The following AGFG1 variants were observed in gnomAD, a reference collection of about 807,000 sequenced individuals.
AGFG1 encodes arf-GAP domain and FG repeat-containing protein 1.
A neutral mutation model predicts 60.6 loss-of-function variants in AGFG1; 10 were observed. The observed-to-expected ratio is 0.16, with a 90% confidence interval of 0.10 to 0.28. AGFG1 has a LOEUF of 0.28. Among genes scored for constraint, AGFG1 ranks in the 10% least tolerant of loss-of-function variants. AGFG1 has a pLI of 1.00. For missense variants in AGFG1, 537 were observed against 676.5 expected, an observed-to-expected ratio of 0.79 and a Z score of 2.29; for synonymous variants, 247 against 242.9, an observed-to-expected ratio of 1.02 and a Z score of -0.16.
At chr2:227,480,703 A>G (rs1432927263) in intron 1 of AGFG1, among the ~76,000 whole-genome samples, 1 of 151,344 alleles carries the variant, frequency 6.6e-6, no homozygotes, top group African/African-American at 2.4e-5. Flanking sequence ...TTCTATCTTC[A>G]TTCTGGAAAT....
intron 2 of AGFG1, among the ~76,000 whole-genome samples, chr2:227,511,548 C>T (rs895560723): frequency 3.3e-5 from 5 of 152,054 alleles, no homozygotes; most frequent in Non-Finnish European, 7.4e-5. Context: ...CTGTATATGA[C>T]GTGAGAATTT....
chr2:227,544,199 G>T (rs932897602), intron 10 of AGFG1, among the ~76,000 whole-genome samples: 2 of 120,176 alleles, frequency 1.7e-5, no homozygotes, highest in African/African-American at 6.6e-5. Context: ...TTGTCACCCA[G>T]CCTGGAGTGC....
intron 10 of AGFG1, among the ~76,000 whole-genome samples, chr2:227,539,514 G>A (rs1158399409): frequency 6.6e-6 from 1 of 151,574 alleles, no homozygotes; most frequent in African/African-American, 2.4e-5. Context: ...TAGCACTTTG[G>A]GATGCCGAGG....
At chr2:227,510,297 C>T (rs1691458190) in intron 2 of AGFG1, among the ~76,000 whole-genome samples, 1 of 151,996 alleles carries the variant, frequency 6.6e-6, no homozygotes, top group African/African-American at 2.4e-5. Flanking sequence ...CCTGATTGTA[C>T]CAGGAATGGA....
At chr2:227,484,619 G>A (rs1690563948) in intron 1 of AGFG1, among the ~76,000 whole-genome samples, 1 of 150,224 alleles carries the variant, frequency 6.7e-6, no homozygotes, top group South Asian at 2.1e-4. Context: ...AGACTTTCTT[G>A]GGTCATTTTT....
At chr2:227,490,258 A>G (rs1287904663) in intron 1 of AGFG1, among the ~76,000 whole-genome samples, 1 of 152,194 alleles carries the variant, frequency 6.6e-6, no homozygotes, top group Non-Finnish European at 1.5e-5. Flanking sequence ...GAATGATTAC[A>G]AATTGACTGA....
chr2:227,539,466 A>T (rs1692415068), intron 10 of AGFG1, among the ~76,000 whole-genome samples: 1 of 126,892 alleles, frequency 7.9e-6, no homozygotes, highest in East Asian at 2.5e-4. Context: ...AACACATGTT[A>T]ACACTGTGAA....
intron 2 of AGFG1, among the ~76,000 whole-genome samples, chr2:227,510,322 G>A (rs1023789226): frequency 2.6e-5 from 4 of 152,094 alleles, no homozygotes; most frequent in African/African-American, 9.7e-5. Context: ...TAACCCTGGG[G>A]CTAGTGACTT....
chr2:227,548,305 T>C (rs1317630479), intron 10 of AGFG1, among the ~76,000 whole-genome samples: 1 of 152,234 alleles, frequency 6.6e-6, no homozygotes, highest in Non-Finnish European at 1.5e-5. Context: ...TAAAGAATCA[T>C]TGAATTCTGT....
intron 2 of AGFG1, among the ~76,000 whole-genome samples, chr2:227,519,481 A>ATAAAGTGTGTTTGCTAATAAAAGTGTG: frequency 1.3e-5 from 2 of 152,340 alleles, no homozygotes; most frequent in South Asian, 2.1e-4. Flanking sequence ...GGAGACAGCT[A>ATAAAGTGTGTTTGCTAATAAAAGTGTG]TAAAGCTAAT....
At chr2:227,474,866 A>G (rs879511915) in intron 1 of AGFG1, among the ~76,000 whole-genome samples, 5 of 152,204 alleles carry the variant, frequency 3.3e-5, no homozygotes, top group Non-Finnish European at 5.9e-5. Context: ...CACTCAATCT[A>G]TTTGAGCTTG....
rs977201439 is a variant in AGFG1 at position 227,560,361 on chromosome 2, C to T, written c.*5866C>T. On this transcript the variant is annotated 3_prime_UTR_variant, in exon 13 of 13. Transcript: ENST00000310078. ...AAGTAGACATTATTCTATTTTGAGG[C>T]TCACCAGCTGTGTAGGTATGATCTT... 1.3e-5 allele frequency: 2 copies of T among 152,032 alleles called. No individual in the cohort carries two copies. Among genetic ancestry groups the T allele is most frequent in the African/African-American group, 4.8e-5 (2 of 41,406 alleles). 9.4% of individuals were successfully genotyped at this position (152,032 alleles called of 1,614,324 possible). A position where few individuals can be genotyped will look rare whatever the true frequency, so the allele number is the denominator to read the frequency against.
intron 10 of AGFG1, among the ~76,000 whole-genome samples, chr2:227,545,212 G>A (rs1050201809): frequency 6.6e-6 from 1 of 151,972 alleles, no homozygotes; most frequent in African/African-American, 2.4e-5. Context: ...TTCATTTGAT[G>A]TTCAGTCACT....
intron 1 of AGFG1, among the ~76,000 whole-genome samples, chr2:227,488,723 T>C (rs1690710530): frequency 6.6e-6 from 1 of 152,238 alleles, no homozygotes; most frequent in African/African-American, 2.4e-5. Flanking sequence ...GGTGGATTAG[T>C]GTTCTCATAA....
chr2:227,551,596 AAAC>A (rs1003668353), intron 10 of AGFG1, among the ~76,000 whole-genome samples: 1 of 152,232 alleles, frequency 6.6e-6, no homozygotes, highest in Non-Finnish European at 1.5e-5. Flanking sequence ...GCATATAACA[AAAC>A]AAAACTAAAA....
At chr2:227,502,626 T>G (rs895244917) in intron 2 of AGFG1, among the ~76,000 whole-genome samples, 1 of 152,158 alleles carries the variant, frequency 6.6e-6, no homozygotes. Flanking sequence ...TGGCCCTCAT[T>G]TATTTTCTTT....
At chr2:227,480,591 CTTT>C (rs11350446) in intron 1 of AGFG1, among the ~76,000 whole-genome samples, 3 of 145,720 alleles carry the variant, frequency 2.1e-5, no homozygotes, top group Admixed American at 6.8e-5. Flanking sequence ...GCATCAGCTA[CTTT>C]TTTTTTTTTT....
At chr2:227,521,657 C>G (rs977602756) in intron 3 of AGFG1, among the ~76,000 whole-genome samples, 2 of 152,054 alleles carry the variant, frequency 1.3e-5, no homozygotes, top group African/African-American at 4.8e-5. Context: ...TTTTCTCAGC[C>G]GTGTTACTTT....
intron 2 of AGFG1, among the ~76,000 whole-genome samples, chr2:227,492,853 T>C (rs1302140428): frequency 1.3e-5 from 2 of 152,046 alleles, no homozygotes; most frequent in Non-Finnish European, 2.9e-5. Flanking sequence ...GAATAATATA[T>C]ATATTGATTA....
Sources: gnomAD v4.1 joint callset for allele counts (sites outside exome capture counted in the v4.1 genomes callset) on GRCh38, gnomAD v4.1.1 for gene constraint, MANE v1.5 for transcripts, NCBI Gene and HGNC (gene_info 2026-07-23, HGNC 2026-07-21) for gene names.